Variants in HNF4A observed in about 807,000 individuals in gnomAD.
The protein encoded by HNF4A is hepatocyte nuclear factor 4-alpha.
Under a neutral mutation model 52.4 loss-of-function variants are expected in HNF4A, and 15 were observed. That is an observed-to-expected ratio of 0.29 (90% confidence interval 0.19 to 0.44). The LOEUF (loss-of-function observed/expected upper bound fraction) is 0.44. Ranked by LOEUF, HNF4A falls within the 20% of genes least tolerant of loss-of-function variation. The pLI is 1.00. For synonymous variants in HNF4A, 280 were observed against 264.4 expected (o/e 1.06, Z -0.57); for missense variants, 479 against 647.2 (o/e 0.74, Z 2.82).
intron 4 of HNF4A, 24 bp downstream of exon 4, chr20:44,413,824 A>G: frequency 6.7e-7 from 1 of 1,492,972 alleles, no homozygotes; most frequent in Non-Finnish European, 9.3e-7. Flanking sequence ...CCTGCCACCC[A>G]CCCAGGGATC....
intron 1 of HNF4A, among the ~76,000 whole-genome samples, chr20:44,404,503 T>C (rs576075448): frequency 7.2e-4 from 110 of 151,804 alleles, no homozygotes; most frequent in Non-Finnish European, 1.4e-3. Context: ...TATGTGTGTA[T>C]GTTTGTGCAT....
chr20:44,414,383 G>A (rs2063630393), intron 4 of HNF4A, 124 bp from the exon 5 acceptor site: 2 of 1,394,794 alleles, frequency 1.4e-6, no homozygotes, highest in Non-Finnish European at 2.0e-6. Flanking sequence ...CTTCAGAGCT[G>A]GAGGGCACCC....
intron 3 of HNF4A, among the ~76,000 whole-genome samples, chr20:44,412,810 C>T (rs766555922): frequency 6.6e-6 from 1 of 152,022 alleles, no homozygotes; most frequent in Admixed American, 6.6e-5. Context: ...GTCCCTGAGA[C>T]GAGAAAGAGT....
At chr20:44,397,719 A>G (rs1349288750), upstream of HNF4A, among the ~76,000 whole-genome samples, 1 of 152,002 alleles carries the variant, frequency 6.6e-6, no homozygotes, top group Non-Finnish European at 1.5e-5. Flanking sequence ...TCCCAGGTTC[A>G]AGTGATTCTC....
chr20:44,390,309 T>G, intron 1 of HNF4A: 1 of 322,652 alleles, frequency 3.1e-6, no homozygotes, highest in South Asian at 6.7e-5. Context: ...AGAGTTATGG[T>G]TTTTTCCAAG....
intron 1 of HNF4A, among the ~76,000 whole-genome samples, chr20:44,394,749 G>A (rs184317408): frequency 1.5e-3 from 230 of 152,320 alleles, no homozygotes; most frequent in African/African-American, 5.3e-3. Flanking sequence ...GGAGGCCAGC[G>A]GCCTCTTGCA....
At chr20:44,424,904 C>T (rs1260904438) in intron 8 of HNF4A, among the ~76,000 whole-genome samples, 3 of 152,204 alleles carry the variant, frequency 2.0e-5, no homozygotes, top group African/African-American at 7.2e-5. Context: ...AAATCATAAA[C>T]ATATGGCTTT....
intron 8 of HNF4A, chr20:44,424,542 T>C (rs1434682453): frequency 1.0e-5 from 11 of 1,083,880 alleles, no homozygotes; most frequent in Non-Finnish European, 9.3e-6. Context: ...TGTGTGAGTA[T>C]GTATGGATGC....
intron 1 of HNF4A, among the ~76,000 whole-genome samples, chr20:44,394,529 G>T (rs938823497): frequency 6.6e-6 from 1 of 152,152 alleles, no homozygotes; most frequent in Non-Finnish European, 1.5e-5. Flanking sequence ...GATTCTCCTG[G>T]CTCTGACACT....
At chr20:44,364,733 G>T (rs1267174278) in intron 1 of HNF4A, among the ~76,000 whole-genome samples, 1 of 152,192 alleles carries the variant, frequency 6.6e-6, no homozygotes, top group African/African-American at 2.4e-5. Context: ...CTCCCAAAGT[G>T]CTGGGGTTAC....
At chr20:44,373,308 C>A (rs754284351) in intron 1 of HNF4A, among the ~76,000 whole-genome samples, 3 of 152,106 alleles carry the variant, frequency 2.0e-5, no homozygotes, top group Non-Finnish European at 4.4e-5. Flanking sequence ...CACCACCATG[C>A]CTGTCTAACG....
In HNF4A at chr20:44,401,403, G is replaced by A. The variant is rs200655531; in HGVS notation, c.31G>A (p.Asp11Asn). ...ACTCTCCAAAACCCTCGTCGACATG[G>A]ACATGGCCGACTACAGTGCTGCACT... The change falls in exon 1 of 10, where the codon GAC (aspartate) becomes AAC (asparagine). Residue 11 changes from aspartate to asparagine, a missense_variant. By Grantham distance (23) the Asp-to-Asn change is conservative. This residue lies in a region of HNF4A where 90 missense variants were observed against 105.5 expected (regional missense o/e 0.85). Coordinates refer to ENST00000316099, the MANE Select transcript of HNF4A (RefSeq NM_000457.6). The A allele has an allele frequency of 5.0e-6, 8 of 1,614,214 alleles. No homozygotes were observed. In the East Asian group the frequency reaches 1.8e-4, roughly 36 times the overall value.
At chr20:44,429,034 A>G (rs1310947884) in intron 9 of HNF4A, among the ~76,000 whole-genome samples, 1 of 152,208 alleles carries the variant, frequency 6.6e-6, no homozygotes, top group Non-Finnish European at 1.5e-5. Flanking sequence ...AAGATGGCCA[A>G]TTGGGTCAAA....
At position 44,406,075 on chromosome 20, in the gene HNF4A, G is replaced by A. The variant is rs2063495593; in HGVS notation, c.133G>A (p.Gly45Ser). 6.2e-7 allele frequency: 1 copy of A among 1,612,654 alleles called. No individual in the cohort carries two copies. Among genetic ancestry groups the A allele is most frequent in the East Asian group, 2.2e-5 (1 of 44,886 alleles). Reference sequence around the variant, plus strand: ...TGGCGCAGACACGTCCCCATCAGAAGGCACCAACCTCAACGCGCCCAACAG... The same window carrying A: ...TGGCGCAGACACGTCCCCATCAGAAAGCACCAACCTCAACGCGCCCAACAG... The change falls in exon 2 of 10, where the codon GGC becomes AGC. Residue 45 changes from glycine (G) to serine (S), a missense_variant. Gly to Ser is a moderately conservative substitution (Grantham distance 56). Around this residue, in one of 3 missense-constraint regions of HNF4A, gnomAD observed 90 missense variants for 105.5 expected, o/e 0.85. Transcript: ENST00000316099.
intron 1 of HNF4A, chr20:44,402,450 G>T (rs1013828863): frequency 1.6e-6 from 1 of 622,302 alleles, no homozygotes; most frequent in East Asian, 6.8e-5. Flanking sequence ...GGGGGTCAGC[G>T]GTCTCTGGTG....
At chr20:44,425,131 G>A (rs1400297237) in intron 8 of HNF4A, among the ~76,000 whole-genome samples, 2 of 152,174 alleles carry the variant, frequency 1.3e-5, no homozygotes, top group Non-Finnish European at 2.9e-5. Context: ...ACAGGCGCCC[G>A]CCACCACGCC....
chr20:44,362,479 C>CATTT (rs1196582841), intron 1 of HNF4A, among the ~76,000 whole-genome samples: 1 of 149,990 alleles, frequency 6.7e-6, no homozygotes, highest in Non-Finnish European at 1.5e-5. Flanking sequence ...TTGTGCCTTC[C>CATTT]ATTTTTCCTG....
intron 1 of HNF4A, among the ~76,000 whole-genome samples, chr20:44,390,837 G>A (rs951576828): frequency 2.6e-5 from 4 of 152,138 alleles, no homozygotes; most frequent in Admixed American, 6.5e-5. Flanking sequence ...GGTGAATGAC[G>A]TTCCAATCAG....
In HNF4A at chr20:44,407,490, T is replaced by C. The variant is rs896163918; in HGVS notation, c.385+15T>C. ...GAAGAAGGAAGGTGAGCCTCGGCCC[T>C]CCCCGCCCCACCACCACTGCCCCAC... On this transcript the variant is annotated intron_variant, in intron 3 of 9. Coordinates refer to ENST00000316099, the MANE Select transcript of HNF4A (RefSeq NM_000457.6). The C allele has an allele frequency of 5.2e-6, 8 of 1,544,962 alleles. No homozygotes were observed. The highest frequency in any genetic ancestry group is 1.2e-5 in the South Asian group (1 of 85,696).
Sources: gnomAD v4.1 joint callset for allele counts (sites outside exome capture counted in the v4.1 genomes callset) on GRCh38, gnomAD v4.1.1 for gene constraint, gnomAD v4.1.1 regional missense constraint, MANE v1.5 for transcripts, NCBI Gene and HGNC (gene_info 2026-07-23, HGNC 2026-07-21) for gene names.